The following EGF variants were observed in gnomAD, a reference collection of about 807,000 sequenced individuals.
EGF encodes the protein epidermal growth factor, also known as pro-epidermal growth factor.
Under a neutral mutation model 143.8 loss-of-function variants are expected in EGF, and 95 were observed. That is an observed-to-expected ratio of 0.66 (90% CI 0.56 to 0.78). The LOEUF (loss-of-function observed/expected upper bound fraction) is 0.78. Among genes scored for constraint, EGF ranks in the 30% least tolerant of loss-of-function variants. The probability of loss-of-function intolerance (pLI) is 0.00; values close to 1 mark genes in which losing one functional copy is unlikely to be tolerated. For synonymous variants in EGF, 510 were observed against 510.5 expected, an observed-to-expected ratio of 1.00 and a Z score of 0.01; for missense variants, 1,320 against 1,470.9, an observed-to-expected ratio of 0.90 and a Z score of 1.68.
At chr4:109,990,427 G>A (rs991476016) in intron 18 of EGF, among the ~76,000 whole-genome samples, 5 of 152,198 alleles carry the variant, frequency 3.3e-5, no homozygotes, top group African/African-American at 9.6e-5. Context: ...GAAGGAGCAT[G>A]GGGGATAAGT....
intron 22 of EGF, among the ~76,000 whole-genome samples, chr4:110,005,205 C>G (rs1392050586): frequency 6.6e-6 from 1 of 151,664 alleles, no homozygotes; most frequent in Non-Finnish European, 1.5e-5. Context: ...ACCGCCACGC[C>G]CAGCTAATTT....
intron 21 of EGF, chr4:110,004,129 C>T: frequency 2.9e-6 from 1 of 346,462 alleles, no homozygotes; most frequent in Admixed American, 3.9e-5. Flanking sequence ...AGTACTAGGA[C>T]AGTGCCTGGG....
At chr4:109,944,769 T>C (rs903966315) in intron 4 of EGF, among the ~76,000 whole-genome samples, 5 of 152,216 alleles carry the variant, frequency 3.3e-5, no homozygotes, top group African/African-American at 1.2e-4. Context: ...TCATGTGAAA[T>C]TGATGTCACT....
intron 12 of EGF, 112 bp from the exon 13 acceptor site, chr4:109,975,900 T>A: frequency 8.4e-7 from 1 of 1,185,802 alleles, no homozygotes; most frequent in Admixed American, 1.7e-5. Flanking sequence ...TATTCCTTAG[T>A]GTACCACTTT....
chr4:109,916,537 C>T (rs1736689703), intron 1 of EGF, among the ~76,000 whole-genome samples: 2 of 152,064 alleles, frequency 1.3e-5, no homozygotes, highest in South Asian at 2.1e-4. Context: ...TCAGTGCTGG[C>T]TGTGCATTAG....
At chr4:109,936,042 A>T (rs1170322030) in intron 1 of EGF, among the ~76,000 whole-genome samples, 1 of 152,190 alleles carries the variant, frequency 6.6e-6, no homozygotes, top group Admixed American at 6.5e-5. Context: ...CTTTGATATC[A>T]GGATGATGCT....
rs1300453421 is a variant in EGF, at chr4:110,011,289, A to G, written c.3458A>G (p.Asp1153Gly). ...EQGCWIPVSS[D>G]KGSCPQVMER... ...GGCTGCTGGATTCCAGTATCCAGTG[A>G]TAAGGGCTCCTGTCCCCAGGTAATG... Residue 1153 changes from aspartate to glycine, a missense_variant, in exon 24 of 24, where the codon GAT becomes GGT. Coordinates refer to ENST00000265171, the MANE Select transcript of EGF (RefSeq NM_001963.6). The G allele has an allele frequency of 1.1e-5, 17 of 1,614,036 alleles. No individual in the cohort carries two copies. Among genetic ancestry groups the G allele is most frequent in the Non-Finnish European group, 1.4e-5 (17 of 1,180,030 alleles).
intron 16 of EGF, among the ~76,000 whole-genome samples, chr4:109,985,668 A>G (rs1750018430): frequency 6.6e-6 from 1 of 152,200 alleles, no homozygotes; most frequent in Admixed American, 6.5e-5. Flanking sequence ...AGGGCTGCCT[A>G]TTACAGCTCT....
chr4:110,001,919 G>A (rs1481680094), intron 21 of EGF: 20 of 985,200 alleles, frequency 2.0e-5, no homozygotes, highest in Admixed American at 6.2e-5. Context: ...TCTGATCAGT[G>A]TACCTGCTTA....
At chr4:109,965,744 G>T (rs1746452914) in intron 10 of EGF, among the ~76,000 whole-genome samples, 1 of 152,004 alleles carries the variant, frequency 6.6e-6, no homozygotes, top group Non-Finnish European at 1.5e-5. Flanking sequence ...AGTCCTCCAG[G>T]TTCCACCCCT....
chr4:109,986,203 C>T (rs1190358396), intron 16 of EGF, among the ~76,000 whole-genome samples: 8 of 152,302 alleles, frequency 5.3e-5, no homozygotes, highest in South Asian at 2.1e-4. Flanking sequence ...CTTTTCATTA[C>T]GCACAGCTGC....
At chr4:109,925,114 T>C (rs1161777512) in intron 1 of EGF, among the ~76,000 whole-genome samples, 1 of 152,228 alleles carries the variant, frequency 6.6e-6, no homozygotes, top group Non-Finnish European at 1.5e-5. Flanking sequence ...TGAGGTTTCT[T>C]ACATTACGGC....
At position 109,980,941 on chromosome 4, in the gene EGF, G is replaced by C; in HGVS notation, c.2337G>C (p.Thr779=). ...TTATGAAAGCCTCAGATGGGAAAAC[G>C]TGTCTGGCTCTGGATGGTCATCAGC... is the stretch of plus-strand genomic sequence containing the variant. ...EGFMKASDGK[T]CLALDGHQLL... is the part of the protein sequence containing the mutation. Residue 779 remains threonine (T), a synonymous_variant, in exon 15 of 24, where the codon ACG becomes ACC. Coordinates refer to ENST00000265171, the MANE Select transcript of EGF (RefSeq NM_001963.6). 1 of 1,614,096 alleles carries C rather than the reference G, an allele frequency of 6.2e-7. No individual in the cohort carries two copies. Among genetic ancestry groups the C allele is most frequent in the Non-Finnish European group, 8.5e-7 (1 of 1,179,978 alleles).
intron 1 of EGF, among the ~76,000 whole-genome samples, chr4:109,916,197 A>G (rs1391927345): frequency 2.0e-5 from 3 of 152,234 alleles, no homozygotes; most frequent in Non-Finnish European, 2.9e-5. Flanking sequence ...CAGTGATTTC[A>G]GTACCGGCTA....
chr4:109,960,039 T>G (rs1197065562), intron 6 of EGF, among the ~76,000 whole-genome samples: 6 of 152,206 alleles, frequency 3.9e-5, no homozygotes, highest in African/African-American at 1.4e-4. Flanking sequence ...GGGTGAGACC[T>G]CAGGTAAATC....
intron 10 of EGF, among the ~76,000 whole-genome samples, chr4:109,964,777 G>C (rs1352820261): frequency 6.6e-6 from 1 of 152,162 alleles, no homozygotes; most frequent in African/African-American, 2.4e-5. Context: ...TGATCACACA[G>C]TTTAGTTTTA....
chr4:109,953,582 A>T (rs560411767), intron 5 of EGF, among the ~76,000 whole-genome samples: 47 of 152,324 alleles, frequency 3.1e-4, no homozygotes, highest in African/African-American at 1.1e-3. Flanking sequence ...TTCTTTAATC[A>T]TCTCTATAAA....
Position 109,913,342 on chromosome 4 carries a change from C to G in EGF, c.7C>G (p.Leu3Val). Residue 3 changes from leucine (L) to valine (V), a missense_variant, in exon 1 of 24, where the codon CTC (leucine) becomes GTC (valine). Physicochemically the swap from Leu to Val is conservative, Grantham distance 32. Around this residue, in one of 5 missense-constraint regions of EGF, gnomAD observed 79 missense variants for 71.2 expected, o/e 1.11. Transcript: ENST00000265171. ...GTTCAAACTCATCAAGATTATGCTG[C>G]TCACTCTTATCATTCTGTTGCCAGT... ML[L>V]TLIILLPVVS... The G allele has an allele frequency of 6.2e-7, 1 of 1,613,834 alleles. No homozygotes were observed. Among genetic ancestry groups the G allele is most frequent in the Non-Finnish European group, 8.5e-7 (1 of 1,179,818 alleles).
chr4:109,947,986 G>A lies in EGF; in HGVS notation c.940+2711G>A, dbSNP rs147967500. 6.6e-3 allele frequency among the ~76,000 whole-genome samples: 1,001 copies of A among 152,266 alleles called. 16 individuals carry two copies. Among genetic ancestry groups the A allele is most frequent in the African/African-American group, 0.023 (942 of 41,550 alleles). On this transcript the variant is annotated intron_variant, in intron 5 of 23. Transcript: ENST00000265171. Reference sequence around the variant, plus strand: ...AAAATTTCCTATCATCAATCTCTCAGTTTAGTATTCTTCCTACCATAAATG... The same window carrying A: ...AAAATTTCCTATCATCAATCTCTCAATTTAGTATTCTTCCTACCATAAATG...
Sources: allele counts gnomAD v4.1 joint callset (sites outside exome capture counted in the v4.1 genomes callset), GRCh38; gene constraint gnomAD v4.1.1; regional missense constraint gnomAD v4.1.1; transcripts MANE v1.5; gene names NCBI Gene and HGNC (gene_info 2026-07-23, HGNC 2026-07-21).